The following MSI2 variants were observed in gnomAD, a reference collection of about 807,000 sequenced individuals.
The protein encoded by MSI2 is RNA-binding protein Musashi homolog 2.
A neutral mutation model predicts 45.6 loss-of-function variants in MSI2; 17 were observed. The observed-to-expected ratio is 0.37, with a 90% CI of 0.26 to 0.56. MSI2 has a LOEUF of 0.56. Ranked by LOEUF, MSI2 falls within the 20% of genes least tolerant of loss-of-function variation. MSI2 has a pLI of 0.77. For missense variants in MSI2, 293 were observed against 444.2 expected (o/e 0.66, Z 3.06); for synonymous variants, 156 against 158.2 (o/e 0.99, Z 0.11).
chr17:57,579,333 G>A (rs541196594), intron 7 of MSI2, among the ~76,000 whole-genome samples: 29 of 152,282 alleles, frequency 1.9e-4, no homozygotes, highest in African/African-American at 6.7e-4. Flanking sequence ...GCTGTCGCTC[G>A]GTTGCCTTCT....
intron 6 of MSI2, among the ~76,000 whole-genome samples, chr17:57,474,397 A>G (rs961705323): frequency 2.0e-5 from 3 of 152,176 alleles, no homozygotes; most frequent in African/African-American, 7.2e-5. Flanking sequence ...GCTCCAAGCC[A>G]GGGCTCCTCC....
chr17:57,552,397 C>G lies in MSI2; in HGVS notation c.454+22673C>G, dbSNP rs571098995. Among the ~76,000 whole-genome samples the G allele has an allele frequency of 2.0e-5, 3 of 152,282 alleles. No individual in the cohort carries two copies. The highest frequency in any genetic ancestry group is 1.9e-4 in the East Asian group (1 of 5,184). On this transcript the variant is annotated intron_variant, in intron 7 of 13. Coordinates refer to ENST00000284073, the MANE Select transcript of MSI2 (RefSeq NM_138962.4). This position sits in a 1 kb window ranked among gnomAD's most constrained non-coding sequence, Gnocchi z 4.3. ...GCCAGCACCCCCCAACCCAGCCCCCCACTCACTGCCCTGCTGCATCCAGCC... is the reference window on the plus strand; with the variant it reads ...GCCAGCACCCCCCAACCCAGCCCCCGACTCACTGCCCTGCTGCATCCAGCC...
At chr17:57,495,820 T>G (rs938587603) in intron 6 of MSI2, among the ~76,000 whole-genome samples, 33 of 152,356 alleles carry the variant, frequency 2.2e-4, no homozygotes, top group African/African-American at 7.7e-4. Flanking sequence ...CTTTTATATT[T>G]GAAGAGATCG....
chr17:57,696,562 C>A, the MSI2 span, among the ~76,000 whole-genome samples: 2 of 151,964 alleles, frequency 1.3e-5, no homozygotes, highest in African/African-American at 4.8e-5. Context: ...AGCAAGACCC[C>A]TATCTCTACA....
At chr17:57,528,957 A>G (rs2086762264) in intron 6 of MSI2, among the ~76,000 whole-genome samples, 1 of 152,232 alleles carries the variant, frequency 6.6e-6, no homozygotes, top group East Asian at 1.9e-4. Flanking sequence ...AAGGGCAATA[A>G]TTAAGTAAGC....
chr17:57,616,227 T>C, intron 9 of MSI2, 143 bp downstream of exon 9: 1 of 623,346 alleles, frequency 1.6e-6, no homozygotes, highest in South Asian at 1.9e-5. Context: ...GGATGATAAT[T>C]CCCCGTTCCA....
intron 6 of MSI2, among the ~76,000 whole-genome samples, chr17:57,455,135 C>CAG (rs1227946266): frequency 6.6e-6 from 1 of 152,170 alleles, no homozygotes; most frequent in Non-Finnish European, 1.5e-5. Flanking sequence ...CATGCCTCTT[C>CAG]ATGTGGCTCT....
chr17:57,538,569 C>T lies in MSI2; in HGVS notation c.454+8845C>T, dbSNP rs192214233. 3.7e-4 allele frequency among the ~76,000 whole-genome samples: 56 copies of T among 152,326 alleles called. 2 individuals carry two copies. The highest frequency in any genetic ancestry group is 3.4e-3 in the Middle Eastern group (1 of 294). ...CCGCTTGCGAGGTGCCCACTCCCCA[C>T]TCCCCGCAAGTGGAGAGTGCGGGGC... On this transcript the variant is annotated intron_variant, in intron 7 of 13. Coordinates refer to ENST00000284073, the MANE Select transcript of MSI2 (RefSeq NM_138962.4).
At chr17:57,336,764 A>G (rs1014621220) in intron 5 of MSI2, among the ~76,000 whole-genome samples, 18 of 152,206 alleles carry the variant, frequency 1.2e-4, no homozygotes, top group African/African-American at 4.3e-4. Flanking sequence ...GCGAGGAACT[A>G]AAATGTGTGT....
rs536838386 is a variant in MSI2 at position 57,296,794 on chromosome 17, G to T, written c.312+34602G>T. ...GTGGTTATGTAAGAGATGAACATTA[G>T]GAAAAGCTGAATGAGGGGTATGGGG... On this transcript the variant is annotated intron_variant, in intron 5 of 13. Coordinates refer to ENST00000284073, the MANE Select transcript of MSI2 (RefSeq NM_138962.4). Among the ~76,000 whole-genome samples, 154 of 152,266 alleles carry T rather than the reference G, an allele frequency of 1.0e-3. 1 individual carries two copies. The highest frequency in any genetic ancestry group is 3.6e-3 in the African/African-American group (149 of 41,550).
chr17:57,596,988 C>A lies in MSI2; in HGVS notation c.537+38C>A, dbSNP rs1905298600. On this transcript the variant is annotated intron_variant, in intron 8 of 13. Coordinates refer to ENST00000284073, the MANE Select transcript of MSI2 (RefSeq NM_138962.4). The surrounding 1 kb of genome is among the most constrained non-coding windows in gnomAD (Gnocchi z 4.6). ...GGGTTGCGCTGAAATGGAATGCCCC[C>A]TTTCTCTACGTACACACCCAGTCTT... 6.9e-7 allele frequency: 1 copy of A among 1,440,282 alleles called. No individual in the cohort carries two copies. Among genetic ancestry groups the A allele is most frequent in the Non-Finnish European group, 9.8e-7 (1 of 1,022,254 alleles). The allele number at this position is 1,440,282 out of a possible 1,614,324, so 89.2% of individuals were successfully genotyped here.
At chr17:57,337,704 A>T (rs769141607) in intron 5 of MSI2, among the ~76,000 whole-genome samples, 8 of 152,180 alleles carry the variant, frequency 5.3e-5, no homozygotes, top group Non-Finnish European at 1.2e-4. Flanking sequence ...TTGCCAAGCC[A>T]AAACAGCGGC....
chr17:57,380,135 C>A (rs1161036652), intron 5 of MSI2, among the ~76,000 whole-genome samples: 1 of 152,088 alleles, frequency 6.6e-6, no homozygotes, highest in Non-Finnish European at 1.5e-5. Context: ...ATGACTGTTT[C>A]CACCTCTCCC....
chr17:57,701,100 G>A, the MSI2 span, among the ~76,000 whole-genome samples: 1,821 of 152,252 alleles, frequency 0.012, 30 homozygotes, highest in African/African-American at 0.041. Flanking sequence ...GAACAGATAT[G>A]TAAGGTGGTC....
intron 6 of MSI2, among the ~76,000 whole-genome samples, chr17:57,453,466 C>T (rs1041226190): frequency 6.6e-6 from 1 of 152,102 alleles, no homozygotes; most frequent in African/African-American, 2.4e-5. Context: ...GAGCCATATC[C>T]CTAGAACTTC....
At chr17:57,317,660 G>A (rs1912965949) in intron 5 of MSI2, among the ~76,000 whole-genome samples, 1 of 151,948 alleles carries the variant, frequency 6.6e-6, no homozygotes, top group African/African-American at 2.4e-5. Flanking sequence ...CCATGTTATA[G>A]TTTTGACACA....
At chr17:57,271,488 G>C (rs1483741677) in intron 5 of MSI2, among the ~76,000 whole-genome samples, 4 of 152,114 alleles carry the variant, frequency 2.6e-5, no homozygotes, top group Non-Finnish European at 5.9e-5. Context: ...CAAGGGTTTA[G>C]AAAAATCTAA....
chr17:57,477,914 A>G (rs1335457023), intron 6 of MSI2, among the ~76,000 whole-genome samples: 3 of 152,208 alleles, frequency 2.0e-5, no homozygotes, highest in Non-Finnish European at 4.4e-5. Flanking sequence ...GGTTTAATCC[A>G]TGTAACCAGC....
At chr17:57,344,217 G>A (rs530337210) in intron 5 of MSI2, among the ~76,000 whole-genome samples, 10 of 152,152 alleles carry the variant, frequency 6.6e-5, no homozygotes, top group South Asian at 2.1e-4. Flanking sequence ...TGGCATCTGC[G>A]GTAAGCAAGA....
Sources: gnomAD v4.1 joint callset for allele counts (sites outside exome capture counted in the v4.1 genomes callset) on GRCh38, gnomAD v4.1.1 for gene constraint, Gnocchi (gnomAD v3.1) non-coding constraint, MANE v1.5 for transcripts, NCBI Gene and HGNC (gene_info 2026-07-23, HGNC 2026-07-21) for gene names.